Variants in MICAL2 observed in about 807,000 individuals in gnomAD.
MICAL2 encodes microtubule associated monooxygenase, calponin and LIM domain containing 2.
Under a neutral mutation model 127.3 loss-of-function variants are expected in MICAL2, and 77 were observed. That is an observed-to-expected ratio of 0.60 (90% confidence interval 0.50 to 0.73). The LOEUF is 0.73. Ranked by LOEUF, MICAL2 falls within the 30% of genes least tolerant of loss-of-function variation. The pLI is 0.00. For synonymous variants in MICAL2, 570 were observed against 551.1 expected, an observed-to-expected ratio of 1.03 and a Z score of -0.48; for missense variants, 1,351 against 1,434.4, an observed-to-expected ratio of 0.94 and a Z score of 0.94.
chr11:12,331,922 T>G (rs1938640465), intron 32 of MICAL2, among the ~76,000 whole-genome samples: 1 of 152,234 alleles, frequency 6.6e-6, no homozygotes, highest in South Asian at 2.1e-4. Context: ...ATTTGTTTGT[T>G]CATCCATTCA....
At chr11:12,129,032 C>G (rs1372286504) in intron 1 of MICAL2, among the ~76,000 whole-genome samples, 1 of 152,166 alleles carries the variant, frequency 6.6e-6, no homozygotes, top group East Asian at 1.9e-4. Context: ...GGTAGAATGT[C>G]CATCCTCTCT....
At chr11:12,148,276 G>C (rs533842862) in intron 2 of MICAL2, among the ~76,000 whole-genome samples, 1 of 152,116 alleles carries the variant, frequency 6.6e-6, no homozygotes, top group Non-Finnish European at 1.5e-5. Flanking sequence ...GAGGATGAGC[G>C]AGGTTTGAGA....
At chr11:12,314,449 CCTT>C (rs1864209098) in intron 29 of MICAL2, among the ~76,000 whole-genome samples, 1 of 151,642 alleles carries the variant, frequency 6.6e-6, no homozygotes, top group Non-Finnish European at 1.5e-5. Context: ...TCTCTTATCT[CCTT>C]CTGGATAACC....
chr11:12,223,348 A>G, intron 11 of MICAL2, 63 bp from the exon 12 acceptor site: 1 of 1,428,070 alleles, frequency 7.0e-7, no homozygotes, highest in South Asian at 1.2e-5. Flanking sequence ...GGTCGAGTTT[A>G]GGGGCCCTGA....
chr11:12,314,635 T>A (rs1168970881), intron 29 of MICAL2, among the ~76,000 whole-genome samples: 1 of 113,306 alleles, frequency 8.8e-6, no homozygotes, highest in Non-Finnish European at 1.8e-5. Flanking sequence ...CCCGCCACCA[T>A]GCCCAGCTAA....
chr11:12,198,476 A>G (rs1280719704), intron 3 of MICAL2, among the ~76,000 whole-genome samples: 1 of 152,140 alleles, frequency 6.6e-6, no homozygotes, highest in Admixed American at 6.5e-5. Flanking sequence ...CTTGAATTTG[A>G]AAACTCTCCA....
In MICAL2 at chr11:12,333,432, A is replaced by G. The variant is rs565706101; in HGVS notation, c.5515+6166A>G. 6.6e-5 allele frequency among the ~76,000 whole-genome samples: 10 copies of G among 152,316 alleles called. 1 individual carries two copies. In the South Asian group the frequency reaches 1.9e-3, roughly 28 times the overall value. On this transcript the variant is annotated intron_variant, in intron 32 of 34. Transcript: ENST00000646065. The stretch of plus-strand genomic sequence containing the variant: ...TATTTTCCAAAACCATGCGGCAAAC[A>G]TCACTGTTAAATAGAAGCATTTCTT...
chr11:12,217,714 C>T (rs975081835), intron 8 of MICAL2, among the ~76,000 whole-genome samples: 1 of 152,136 alleles, frequency 6.6e-6, no homozygotes, highest in Non-Finnish European at 1.5e-5. Flanking sequence ...GGTGTTTGCT[C>T]ATGGCAACTC....
At position 12,222,618 on chromosome 11, in the gene MICAL2, G is replaced by T. The variant is rs1432498162; in HGVS notation, c.1324G>T (p.Glu442Ter). 6.2e-7 allele frequency: 1 copy of T among 1,614,220 alleles called. No individual in the cohort carries two copies. Reference protein sequence around the residue: ...TPPLELLAERESLYRLLPQTT... With the variant: ...TPPLELLAER Reference sequence around the variant, plus strand: ...CCTCCAGGCTCCGCCTCCCTCCAGGGAAAGTCTCTACCGGCTGTTACCTCA... The same window carrying T: ...CCTCCAGGCTCCGCCTCCCTCCAGGTAAAGTCTCTACCGGCTGTTACCTCA... The change falls in exon 11 of 28, where the codon GAA becomes TAA. Residue 442 changes from glutamate (E) to a stop codon, truncating the protein, a stop_gained and splice_region_variant. Transcript: ENST00000683283. LOFTEE classifies it high-confidence loss of function.
intron 3 of MICAL2, among the ~76,000 whole-genome samples, chr11:12,200,648 A>G (rs141988217): frequency 4.1e-4 from 63 of 152,336 alleles, no homozygotes; most frequent in African/African-American, 1.5e-3. Context: ...TTGACTTTAG[A>G]TTACGGTATG....
rs116569762 is a variant in MICAL2, at chr11:12,137,864, A to G, written c.-148-526A>G. Among the ~76,000 whole-genome samples, 676 of 152,334 alleles carry G rather than the reference A, an allele frequency of 4.4e-3. 6 individuals are homozygous for G. The highest frequency in any genetic ancestry group is 0.015 in the African/African-American group (641 of 41,562). Reference sequence around the variant, plus strand: ...CAGAAGCAATAGGATGTCATGAAATAATGTGGGTCGTCACTGGAAGCCAAG... The same window carrying G: ...CAGAAGCAATAGGATGTCATGAAATGATGTGGGTCGTCACTGGAAGCCAAG... On this transcript the variant is annotated intron_variant, in intron 1 of 27. Transcript: ENST00000683283.
chr11:12,354,785 G>A (rs755826930), exon 34 of MICAL2: 1 of 1,613,856 alleles, frequency 6.2e-7, no homozygotes, highest in Non-Finnish European at 8.5e-7. Context: ...CTCACCCAGG[G>A]CCCAGGAACT....
chr11:12,188,980 C>A (rs1234660478), intron 3 of MICAL2, among the ~76,000 whole-genome samples: 1 of 152,138 alleles, frequency 6.6e-6, no homozygotes, highest in African/African-American at 2.4e-5. Context: ...AAACTAAATT[C>A]ATAATTTTAC....
chr11:12,336,686 C>T (rs909092890), intron 32 of MICAL2, among the ~76,000 whole-genome samples: 9 of 151,836 alleles, frequency 5.9e-5, no homozygotes, highest in Non-Finnish European at 8.8e-5. Flanking sequence ...TTGTCAAAGG[C>T]CTTTTCTGCA....
intron 2 of MICAL2, among the ~76,000 whole-genome samples, chr11:12,155,480 AC>A (rs965278897): frequency 3.9e-5 from 6 of 152,226 alleles, no homozygotes; most frequent in East Asian, 3.9e-4. Flanking sequence ...ACACATGTAT[AC>A]CCCTGCAAAC....
At chr11:12,174,691 G>T (rs959327176) in intron 3 of MICAL2, among the ~76,000 whole-genome samples, 1 of 151,936 alleles carries the variant, frequency 6.6e-6, no homozygotes, top group African/African-American at 2.4e-5. Flanking sequence ...GTTATTTTAG[G>T]TATATACCAG....
At chr11:12,303,782 G>A (rs139351469) in intron 29 of MICAL2, 2 of 152,158 alleles carry the variant, frequency 1.3e-5, no homozygotes, top group Non-Finnish European at 2.9e-5. Context: ...TCCTTTGTTA[G>A]ATATAAGAAC....
At chr11:12,247,297 C>T (rs1860886335) in intron 21 of MICAL2, among the ~76,000 whole-genome samples, 1 of 152,214 alleles carries the variant, frequency 6.6e-6, no homozygotes, top group Admixed American at 6.5e-5. Context: ...TTCCTTGCTC[C>T]TCCCCAGTTG....
downstream of MICAL2, among the ~76,000 whole-genome samples, chr11:12,361,644 T>C (rs979645987): frequency 2.0e-5 from 3 of 152,230 alleles, no homozygotes; most frequent in Admixed American, 2.0e-4. Flanking sequence ...AGATGCACCA[T>C]GTTAATTGCA....
Sources: allele counts gnomAD v4.1 joint callset (sites outside exome capture counted in the v4.1 genomes callset), GRCh38; gene constraint gnomAD v4.1.1; transcripts MANE v1.5; gene names NCBI Gene and HGNC (gene_info 2026-07-23, HGNC 2026-07-21).